Variants in RBMS1 observed in about 807,000 individuals in gnomAD.
RBMS1 encodes RNA-binding motif, single-stranded-interacting protein 1.
RBMS1 carries 17 observed loss-of-function variants against 62.3 expected under a neutral mutation model. The observed-to-expected ratio is 0.27, with a 90% confidence interval of 0.19 to 0.41. RBMS1 has a LOEUF of 0.41. RBMS1 is among the 10% of genes least tolerant of loss of function. The pLI, the probability that RBMS1 is intolerant of heterozygous loss-of-function variation, is 1.00. For synonymous variants in RBMS1, 172 were observed against 170.0 expected (o/e 1.01, Z -0.09); for missense variants, 334 against 504.5 (o/e 0.66, Z 3.24).
rs537679789 is a variant in RBMS1, at chr2:160,330,016, G to A, written c.252-11789C>T. On this transcript the variant is annotated intron_variant, in intron 2 of 13. Transcript: ENST00000348849. Reference sequence around the variant, plus strand: ...TATGAAAAGAACAAGTACTAGCAAAGTCCTTAAGAGCAAGTCATGACACCT... The same window carrying A: ...TATGAAAAGAACAAGTACTAGCAAAATCCTTAAGAGCAAGTCATGACACCT... Among the ~76,000 whole-genome samples the A allele has an allele frequency of 3.3e-5, 5 of 152,184 alleles. No homozygotes were observed. In the East Asian group the frequency reaches 9.7e-4, roughly 29 times the overall value.
intron 6 of RBMS1, among the ~76,000 whole-genome samples, chr2:160,294,703 G>A (rs566694400): frequency 6.6e-6 from 1 of 152,286 alleles, no homozygotes; most frequent in Non-Finnish European, 1.5e-5. Flanking sequence ...ATTCTGACAG[G>A]AATCATCCCA....
chr2:160,416,941 T>G (rs1310693818), intron 1 of RBMS1, among the ~76,000 whole-genome samples: 1 of 152,180 alleles, frequency 6.6e-6, no homozygotes, highest in African/African-American at 2.4e-5. Flanking sequence ...ATAGATTGTA[T>G]AGTGCTTTTT....
intron 2 of RBMS1, among the ~76,000 whole-genome samples, chr2:160,341,667 A>C (rs1220846376): frequency 6.6e-6 from 1 of 152,170 alleles, no homozygotes; most frequent in Non-Finnish European, 1.5e-5. Flanking sequence ...GACTCCTAGA[A>C]ATGGGTGTTC....
chr2:160,306,332 G>C (rs373270768), intron 4 of RBMS1, among the ~76,000 whole-genome samples: 2 of 152,066 alleles, frequency 1.3e-5, no homozygotes, highest in Non-Finnish European at 2.9e-5. Context: ...TTAAAGTCTT[G>C]ATTCAACTTG....
intron 1 of RBMS1, among the ~76,000 whole-genome samples, chr2:160,374,319 G>A (rs1693881983): frequency 6.6e-6 from 1 of 152,126 alleles, no homozygotes; most frequent in African/African-American, 2.4e-5. Context: ...AGAAAGGTGG[G>A]TAGAGTAAGA....
intron 2 of RBMS1, among the ~76,000 whole-genome samples, chr2:160,365,762 G>T (rs544166171): frequency 1.3e-5 from 2 of 152,250 alleles, no homozygotes; most frequent in Non-Finnish European, 2.9e-5. Context: ...TAGTTCCTTA[G>T]ACTTTATGGT....
chr2:160,454,469 G>A (rs1175896346), intron 1 of RBMS1, among the ~76,000 whole-genome samples: 2 of 152,192 alleles, frequency 1.3e-5, no homozygotes, highest in African/African-American at 4.8e-5. Context: ...TTGAGGTCCT[G>A]GGGTACCAGG....
At chr2:160,282,982 G>A (rs1023852223) in intron 9 of RBMS1, 38 of 152,190 alleles carry the variant, frequency 2.5e-4, no homozygotes, top group African/African-American at 8.2e-4. Context: ...GAATGCCCAG[G>A]AGAGGAAATA....
intron 1 of RBMS1, among the ~76,000 whole-genome samples, chr2:160,437,351 T>C (rs1559548746): frequency 6.6e-6 from 1 of 152,166 alleles, no homozygotes; most frequent in Non-Finnish European, 1.5e-5. Context: ...CCTCCCAGTT[T>C]TGCACAATTA....
intron 1 of RBMS1, among the ~76,000 whole-genome samples, chr2:160,482,102 T>G (rs1167972679): frequency 2.0e-5 from 3 of 152,186 alleles, no homozygotes; most frequent in Non-Finnish European, 4.4e-5. Context: ...TGATACAATA[T>G]ATCCTGTAAT....
intron 4 of RBMS1, among the ~76,000 whole-genome samples, chr2:160,311,210 A>AATCTCTCTCTCTCTC (rs1407068145): frequency 5.3e-5 from 3 of 56,612 alleles, no homozygotes; most frequent in South Asian, 1.2e-3. Context: ...AAAAAAAAAA[A>AATCTCTCTCTCTCTC]TCTATCTATC....
chr2:160,483,578 A>G (rs925788389), intron 1 of RBMS1, among the ~76,000 whole-genome samples: 1 of 152,202 alleles, frequency 6.6e-6, no homozygotes, highest in East Asian at 1.9e-4. Flanking sequence ...ATTAAGAGGT[A>G]GTAAAGATTT....
intron 6 of RBMS1, among the ~76,000 whole-genome samples, chr2:160,294,507 A>G (rs1197387032): frequency 6.6e-6 from 1 of 152,230 alleles, no homozygotes; most frequent in Non-Finnish European, 1.5e-5. Flanking sequence ...GCTCATGTGC[A>G]TAGCTGACTT....
intron 1 of RBMS1, among the ~76,000 whole-genome samples, chr2:160,481,752 A>T (rs536103546): frequency 5.9e-5 from 9 of 152,370 alleles, no homozygotes; most frequent in Admixed American, 3.9e-4. Flanking sequence ...ATATATTTTT[A>T]AAAGTGCTCA....
chr2:160,317,504 T>C (rs1308140852), intron 3 of RBMS1, among the ~76,000 whole-genome samples: 1 of 152,176 alleles, frequency 6.6e-6, no homozygotes, highest in Admixed American at 6.5e-5. Context: ...CTGCCTACTG[T>C]AGACGCCTCC....
intron 1 of RBMS1, among the ~76,000 whole-genome samples, chr2:160,375,850 G>A (rs1320597076): frequency 6.6e-6 from 1 of 151,344 alleles, no homozygotes; most frequent in East Asian, 1.9e-4. Context: ...GCCTTGTGAA[G>A]GGGACAAGAG....
chr2:160,361,010 C>A (rs1347351692), intron 2 of RBMS1, among the ~76,000 whole-genome samples: 2 of 152,162 alleles, frequency 1.3e-5, no homozygotes, highest in Non-Finnish European at 2.9e-5. Context: ...TAGTAACAGG[C>A]TATCATATCA....
chr2:160,325,850 C>T (rs1690892538), intron 2 of RBMS1, among the ~76,000 whole-genome samples: 1 of 152,098 alleles, frequency 6.6e-6, no homozygotes. Context: ...ATTTATTAGG[C>T]AATCAAAATC....
chr2:160,325,028 GTCAGTAAGGGACGTAT>G (rs1192156753), intron 2 of RBMS1, among the ~76,000 whole-genome samples: 1 of 151,746 alleles, frequency 6.6e-6, no homozygotes, highest in Non-Finnish European at 1.5e-5. Context: ...CAGGAGCAGA[GTCAGTAAGGGACGTAT>G]TCAAGGTTAC....
Sources: gnomAD v4.1 joint callset for allele counts (sites outside exome capture counted in the v4.1 genomes callset) on GRCh38, gnomAD v4.1.1 for gene constraint, MANE v1.5 for transcripts, NCBI Gene and HGNC (gene_info 2026-07-23, HGNC 2026-07-21) for gene names.